GRM7: variants seen among roughly 807,000 people sequenced by gnomAD.
The protein encoded by GRM7 is glutamate metabotropic receptor 7, also known as metabotropic glutamate receptor 7.
GRM7 carries 35 observed loss-of-function variants against 84.5 expected under a neutral mutation model. That is an observed-to-expected ratio of 0.41 (90% CI 0.32 to 0.55). The LOEUF is 0.55. Among genes scored for constraint, GRM7 ranks in the 20% least tolerant of loss-of-function variants. The probability of loss-of-function intolerance (pLI) is 0.19; values close to 1 mark genes in which losing one functional copy is unlikely to be tolerated. For synonymous variants in GRM7, 487 were observed against 455.1 expected, an observed-to-expected ratio of 1.07 and a Z score of -0.89; for missense variants, 1,003 against 1,194.6, an observed-to-expected ratio of 0.84 and a Z score of 2.36.
At position 6,972,502 on chromosome 3, in the gene GRM7, A is replaced by G. The variant is rs529921300; in HGVS notation, c.519+110595A>G. 5.9e-5 allele frequency among the ~76,000 whole-genome samples: 9 copies of G among 152,324 alleles called. No homozygotes were observed. The East Asian group carries it at 9.6e-4, about 16-fold the overall frequency. ...TTTTACTTTCTTTTCATCCAGGGCCATCTCCAGCGTGCCTTGTGTATCGTC... is the reference window on the plus strand; with the variant it reads ...TTTTACTTTCTTTTCATCCAGGGCCGTCTCCAGCGTGCCTTGTGTATCGTC... On this transcript the variant is annotated intron_variant, in intron 1 of 9. Coordinates refer to ENST00000357716, the MANE Select transcript of GRM7 (RefSeq NM_000844.4).
intron 4 of GRM7, among the ~76,000 whole-genome samples, chr3:7,403,739 A>G (rs1287173952): frequency 6.7e-6 from 1 of 149,834 alleles, no homozygotes; most frequent in East Asian, 1.9e-4. Context: ...ATATCTGTGT[A>G]TATATGTGAA....
At chr3:7,615,465 G>A (rs961539464) in intron 8 of GRM7, among the ~76,000 whole-genome samples, 1 of 151,962 alleles carries the variant, frequency 6.6e-6, no homozygotes, top group Non-Finnish European at 1.5e-5. Context: ...TTCTAAATTT[G>A]TTGCCGTTTC....
intron 2 of GRM7, among the ~76,000 whole-genome samples, chr3:7,175,407 C>A (rs961235696): frequency 1.3e-5 from 2 of 152,178 alleles, no homozygotes; most frequent in Non-Finnish European, 2.9e-5. Context: ...CTCCATGAAA[C>A]AAAGACTTTG....
chr3:7,670,168 C>G (rs1278813916), intron 8 of GRM7, among the ~76,000 whole-genome samples: 3 of 152,106 alleles, frequency 2.0e-5, no homozygotes, highest in East Asian at 1.9e-4. Context: ...ACCATGTTGC[C>G]ACAGTGGTGA....
intron 8 of GRM7, among the ~76,000 whole-genome samples, chr3:7,609,921 C>T (rs1458277748): frequency 6.6e-6 from 1 of 152,176 alleles, no homozygotes; most frequent in Admixed American, 6.5e-5. Context: ...TGGATATAGC[C>T]ATCCCATTCA....
intron 4 of GRM7, among the ~76,000 whole-genome samples, chr3:7,401,199 G>A (rs1695432825): frequency 6.6e-6 from 1 of 152,072 alleles, no homozygotes. Context: ...GCAATCCCTG[G>A]TGACTAAAAT....
intron 1 of GRM7, among the ~76,000 whole-genome samples, chr3:6,994,205 A>G (rs575058944): frequency 2.4e-4 from 37 of 152,318 alleles, no homozygotes; most frequent in South Asian, 1.9e-3. Context: ...AAGAATCAGG[A>G]CAGAGAAAGG....
At chr3:6,920,349 G>C (rs944297705) in intron 1 of GRM7, among the ~76,000 whole-genome samples, 1 of 152,142 alleles carries the variant, frequency 6.6e-6, no homozygotes, top group Admixed American at 6.5e-5. Context: ...GAGGTCATGA[G>C]TTCAAGACCA....
rs550818676 is a variant in GRM7 at position 7,440,831 on chromosome 3, T to C, written c.1175-11776T>C. ...TGCTGCAAAAGATATTATCTCATTC[T>C]TTTTTTATGGATGTACAGTATTCCA... On this transcript the variant is annotated intron_variant, in intron 5 of 9. Transcript: ENST00000357716. 7.9e-5 allele frequency among the ~76,000 whole-genome samples: 12 copies of C among 152,266 alleles called. No homozygotes were observed. In the South Asian group the frequency reaches 2.3e-3, roughly 29 times the overall value.
At chr3:7,734,503 A>G (rs1702436747) in intron 9 of GRM7, among the ~76,000 whole-genome samples, 2 of 152,200 alleles carry the variant, frequency 1.3e-5, no homozygotes, top group African/African-American at 4.8e-5. Flanking sequence ...GTTAAGTAAT[A>G]TTTTGTTAGA....
Position 7,740,387 on chromosome 3 carries a change from A to G in GRM7, c.2729A>G (p.Tyr910Cys), listed in dbSNP as rs369996819. ...GCTGCAAAAAAGAAGTATGTCAGTT[A>G]TAATAACCTGGTTATCTAACCTGTT... ...SPAAKKKYVS[Y>C]NNLVI is the part of the protein sequence containing the mutation. The change falls in exon 10 of 10, where the codon TAT (tyrosine) becomes TGT (cysteine). Residue 910 changes from tyrosine to cysteine, a missense_variant. Coordinates refer to ENST00000357716, the MANE Select transcript of GRM7 (RefSeq NM_000844.4). 10 of 1,586,516 alleles carry G rather than the reference A, an allele frequency of 6.3e-6. No individual in the cohort carries two copies. The highest frequency in any genetic ancestry group is 1.4e-5 in the African/African-American group (1 of 73,758).
At chr3:7,647,553 G>T (rs562651443) in intron 8 of GRM7, among the ~76,000 whole-genome samples, 2 of 152,148 alleles carry the variant, frequency 1.3e-5, no homozygotes, top group Non-Finnish European at 2.9e-5. Context: ...ACAATAGAAA[G>T]CCAATGGGGA....
chr3:6,987,210 T>C (rs1244850423), intron 1 of GRM7, among the ~76,000 whole-genome samples: 1 of 152,162 alleles, frequency 6.6e-6, no homozygotes, highest in Non-Finnish European at 1.5e-5. Flanking sequence ...TGGCACAAGA[T>C]ACAGGCATGC....
chr3:7,609,198 G>C (rs1418202288), intron 8 of GRM7, among the ~76,000 whole-genome samples: 1 of 152,082 alleles, frequency 6.6e-6, no homozygotes, highest in Non-Finnish European at 1.5e-5. Flanking sequence ...CATTTACAGG[G>C]ACCAAAGATA....
At chr3:7,225,407 G>A (rs147064071) in intron 2 of GRM7, among the ~76,000 whole-genome samples, 8,353 of 147,272 alleles carry the variant, frequency 0.057, 636 homozygotes, top group African/African-American at 0.17. Flanking sequence ...TATATGTATA[G>A]TAAATGTAAA....
At position 7,292,725 on chromosome 3, in the gene GRM7, T is replaced by TA. The variant is rs1699675818; in HGVS notation, c.737-5959_737-5958insA. On this transcript the variant is annotated intron_variant, in intron 2 of 9. Transcript: ENST00000357716. ...CTTACATATATTATTTCTTTTTTTT[T>TA]TAAAAAAAAAAACAAACCATTGAGG... Among the ~76,000 whole-genome samples the TA allele has an allele frequency of 5.4e-5, 8 of 147,104 alleles. No homozygotes were observed. In the South Asian group the frequency reaches 6.5e-4, roughly 12 times the overall value.
chr3:7,572,448 G>A (rs978737734), intron 7 of GRM7, among the ~76,000 whole-genome samples: 1 of 151,946 alleles, frequency 6.6e-6, no homozygotes, highest in African/African-American at 2.4e-5. Flanking sequence ...ATCCATCTAG[G>A]ATCCCCTGGG....
intron 7 of GRM7, among the ~76,000 whole-genome samples, chr3:7,530,880 C>T (rs547607333): frequency 5.3e-5 from 8 of 151,754 alleles, no homozygotes; most frequent in African/African-American, 1.9e-4. Context: ...CAAAAATTTT[C>T]TCCCATTCTG....
chr3:6,994,605 G>A (rs1260829975), intron 1 of GRM7, among the ~76,000 whole-genome samples: 1 of 152,122 alleles, frequency 6.6e-6, no homozygotes, highest in African/African-American at 2.4e-5. Flanking sequence ...AAGAACGTTG[G>A]TCAGATGTTT....
Sources: allele counts gnomAD v4.1 joint callset (sites outside exome capture counted in the v4.1 genomes callset), GRCh38; gene constraint gnomAD v4.1.1; transcripts MANE v1.5; gene names NCBI Gene and HGNC (gene_info 2026-07-23, HGNC 2026-07-21).